Variants in CR1 observed in about 807,000 individuals in gnomAD.
CR1 encodes the protein complement C3b/C4b receptor 1 (Knops blood group).
In CR1, 116 loss-of-function variants were observed where a neutral mutation model predicts 187.3. The ratio of observed to expected loss-of-function variants is 0.62; its 90% confidence interval spans 0.53 to 0.72. The LOEUF (loss-of-function observed/expected upper bound fraction) is 0.72. Ranked by LOEUF, CR1 falls within the 30% of genes least tolerant of loss-of-function variation. The pLI is 0.00. For missense variants in CR1, 1,731 were observed against 2,110.7 expected (o/e 0.82, Z 3.52); for synonymous variants, 576 against 747.1 (o/e 0.77, Z 3.73).
chr1:207,519,292 A>C (rs1659897723), intron 4 of CR1, among the ~76,000 whole-genome samples: 1 of 151,842 alleles, frequency 6.6e-6, no homozygotes, highest in African/African-American at 2.4e-5. Flanking sequence ...GGAACATTAA[A>C]ATTTAATAAT....
rs1232129608 is a variant in CR1, at chr1:207,567,272, T to TG, written c.3953-552_3953-551insG. Among the ~76,000 whole-genome samples the TG allele has an allele frequency of 2.0e-5, 3 of 149,716 alleles. 1 individual carries two copies. Among genetic ancestry groups the TG allele is most frequent in the African/African-American group, 7.6e-5 (3 of 39,376 alleles). ...CATCTGAATCCATTTGGAGTTTTTT[T>TG]TTTTTTTTTATCATGGCCTGACTAT... On this transcript the variant is annotated intron_variant, in intron 24 of 46. Coordinates refer to ENST00000367049, the MANE Select transcript of CR1 (RefSeq NM_000651.6).
chr1:207,631,026 A>G (rs1251758364), intron 46 of CR1, among the ~76,000 whole-genome samples: 1 of 152,054 alleles, frequency 6.6e-6, no homozygotes, highest in Non-Finnish European at 1.5e-5. Context: ...CTCCCCAGCC[A>G]CCAACCCCCT....
chr1:207,524,555 T>C (rs1429672176), intron 5 of CR1, among the ~76,000 whole-genome samples: 2 of 151,958 alleles, frequency 1.3e-5, no homozygotes, highest in Non-Finnish European at 2.9e-5. Context: ...GGATAAGTTT[T>C]TTATATATTT....
At chr1:207,622,904 A>G (rs1444019955) in intron 44 of CR1, 89 bp from the exon 45 acceptor site, 1 of 869,802 alleles carries the variant, frequency 1.1e-6, no homozygotes, top group East Asian at 2.7e-5. Flanking sequence ...AAGCATTGGC[A>G]ATCTGTAGTG....
intron 35 of CR1, among the ~76,000 whole-genome samples, chr1:207,606,247 G>A (rs1661746549): frequency 6.6e-6 from 1 of 152,196 alleles, no homozygotes. Flanking sequence ...CTTTCCAGAA[G>A]TTGCACAAGA....
intron 5 of CR1, among the ~76,000 whole-genome samples, 182 bp downstream of exon 5, chr1:207,524,191 CA>C (rs1167019656): frequency 6.6e-6 from 1 of 152,070 alleles, no homozygotes; most frequent in Non-Finnish European, 1.5e-5. Context: ...AATTGCGAAG[CA>C]AAGCTCAACC....
chr1:207,594,937 A>G (rs947464210), intron 35 of CR1, among the ~76,000 whole-genome samples: 4 of 152,194 alleles, frequency 2.6e-5, no homozygotes, highest in African/African-American at 4.8e-5. Context: ...AGAAATATTC[A>G]TCTGCACAAC....
intron 1 of CR1, among the ~76,000 whole-genome samples, chr1:207,498,890 A>AAAAAAAAG (rs911285366): frequency 4.0e-5 from 6 of 149,322 alleles, no homozygotes; most frequent in Non-Finnish European, 8.9e-5. Context: ...AAAAAAAAAA[A>AAAAAAAAG]AAAGAAACAA....
chr1:207,616,523 G>C, intron 40 of CR1, 52 bp from the exon 41 acceptor site: 1 of 1,579,636 alleles, frequency 6.3e-7, no homozygotes, highest in Non-Finnish European at 8.7e-7. Context: ...TATTGTTTCA[G>C]TCATCTTAAG....
At chr1:207,617,325 A>G (rs41369546) in intron 41 of CR1, among the ~76,000 whole-genome samples, 10,563 of 150,456 alleles carry the variant, frequency 0.07, 1,251 homozygotes, top group African/African-American at 0.24. Context: ...TGTTTGTTTG[A>G]TCCTTCACCT....
rs1661014799 is a variant in CR1, at chr1:207,583,229, G to A, written c.5302+1226G>A. The stretch of plus-strand genomic sequence containing the variant: ...AAGCCAAGTATGGAAATTATTTTAA[G>A]GGATTAGACTAATCAACTGTGTCAA... On this transcript the variant is annotated intron_variant, in intron 32 of 46. Transcript: ENST00000367049. Among the ~76,000 whole-genome samples, 4 of 152,180 alleles carry A rather than the reference G, an allele frequency of 2.6e-5. No individual in the cohort carries two copies. In the South Asian group the frequency reaches 8.3e-4, roughly 32 times the overall value.
At chr1:207,591,750 T>C (rs911240228) in intron 35 of CR1, among the ~76,000 whole-genome samples, 1 of 151,920 alleles carries the variant, frequency 6.6e-6, no homozygotes, top group African/African-American at 2.4e-5. Context: ...CAATAAAAAA[T>C]GATAAAGGGG....
chr1:207,605,365 AC>A (rs1661719150), intron 35 of CR1, among the ~76,000 whole-genome samples: 1 of 151,900 alleles, frequency 6.6e-6, no homozygotes, highest in African/African-American at 2.4e-5. Flanking sequence ...ACACACACAC[AC>A]ACACAAAACA....
chr1:207,597,913 C>T (rs1661495076), intron 35 of CR1, among the ~76,000 whole-genome samples: 1 of 152,174 alleles, frequency 6.6e-6, no homozygotes, highest in South Asian at 2.1e-4. Context: ...TATTCTTCAG[C>T]TATACAAAGG....
At chr1:207,601,589 TG>T (rs1661606964) in intron 35 of CR1, among the ~76,000 whole-genome samples, 1 of 152,166 alleles carries the variant, frequency 6.6e-6, no homozygotes, top group East Asian at 1.9e-4. Flanking sequence ...GTCATTTTTC[TG>T]GTTTAAAAAA....
chr1:207,518,181 C>A (rs146833553), intron 4 of CR1, among the ~76,000 whole-genome samples: 1 of 152,180 alleles, frequency 6.6e-6, no homozygotes, highest in East Asian at 1.9e-4. Flanking sequence ...TCTAATTTCA[C>A]TTTTAATATC....
intron 31 of CR1, among the ~76,000 whole-genome samples, chr1:207,580,847 G>A (rs1245154119): frequency 1.3e-5 from 2 of 152,176 alleles, no homozygotes; most frequent in African/African-American, 2.4e-5. Flanking sequence ...CAGAAATACA[G>A]TCACCAGTCC....
intron 45 of CR1, among the ~76,000 whole-genome samples, chr1:207,627,624 A>T (rs1383216204): frequency 6.6e-6 from 1 of 152,220 alleles, no homozygotes; most frequent in Non-Finnish European, 1.5e-5. Context: ...TTCAATAAGC[A>T]TTTAAGCTGG....
chr1:207,635,412 T>C (rs1370674645), intron 46 of CR1, among the ~76,000 whole-genome samples: 2 of 152,180 alleles, frequency 1.3e-5, no homozygotes, highest in Non-Finnish European at 2.9e-5. Context: ...AAGAATTAAC[T>C]GCTGTGCTTT....
Sources: allele counts gnomAD v4.1 joint callset (sites outside exome capture counted in the v4.1 genomes callset), GRCh38; gene constraint gnomAD v4.1.1; transcripts MANE v1.5; gene names NCBI Gene and HGNC (gene_info 2026-07-23, HGNC 2026-07-21).